The following ZC3H8 variants were observed in gnomAD, a reference collection of about 807,000 sequenced individuals.
ZC3H8 encodes zinc finger CCCH-type containing 8, also known as zinc finger CCCH domain-containing protein 8.
A neutral mutation model predicts 42.5 loss-of-function variants in ZC3H8; 27 were observed. The observed-to-expected ratio is 0.64, with a 90% CI of 0.47 to 0.88. The LOEUF (loss-of-function observed/expected upper bound fraction) is 0.88. Among genes scored for constraint, ZC3H8 ranks in the 40% least tolerant of loss-of-function variants. ZC3H8 has a pLI of 0.00. For synonymous variants in ZC3H8, 101 were observed against 110.1 expected, an observed-to-expected ratio of 0.92 and a Z score of 0.52; for missense variants, 277 against 336.1, an observed-to-expected ratio of 0.82 and a Z score of 1.37.
intron 1 of ZC3H8, among the ~76,000 whole-genome samples, chr2:112,251,828 GGTCTACAA>G (rs142572252): frequency 0.026 from 3,934 of 152,248 alleles, 185 homozygotes; most frequent in African/African-American, 0.09. Context: ...TCACTGTGAA[GGTCTACAA>G]TACTCAGCAC....
intron 2 of ZC3H8, among the ~76,000 whole-genome samples, chr2:112,239,538 G>A (rs191886043): frequency 1.4e-3 from 208 of 146,830 alleles, no homozygotes; most frequent in African/African-American, 5.0e-3. Flanking sequence ...CAGAAGAATC[G>A]CTATTATAAA....
At chr2:112,238,708 GA>G (rs1573913948) in intron 2 of ZC3H8, 180 bp from the exon 3 acceptor site, 1 of 447,042 alleles carries the variant, frequency 2.2e-6, no homozygotes, top group East Asian at 3.6e-5. Flanking sequence ...TTAAAAAAAA[GA>G]AAAAATTTCC....
intron 4 of ZC3H8, among the ~76,000 whole-genome samples, chr2:112,235,936 TAAAAAAAA>T (rs11370016): frequency 8.2e-6 from 1 of 122,602 alleles, no homozygotes; most frequent in Non-Finnish European, 1.7e-5. Flanking sequence ...AGTATAACAC[TAAAAAAAA>T]AAAAAAAAAA....
intron 8 of ZC3H8, among the ~76,000 whole-genome samples, chr2:112,230,421 T>G (rs1032428690): frequency 1.5e-4 from 23 of 152,274 alleles, no homozygotes; most frequent in African/African-American, 5.5e-4. Flanking sequence ...GTTAGTATTT[T>G]TAAAAATTGA....
chr2:112,242,152 G>A (rs1021507124), intron 2 of ZC3H8, among the ~76,000 whole-genome samples: 2 of 152,182 alleles, frequency 1.3e-5, no homozygotes, highest in African/African-American at 4.8e-5. Context: ...AAAAGCATGT[G>A]ACAAAAATCT....
intron 2 of ZC3H8, among the ~76,000 whole-genome samples, chr2:112,244,093 A>G (rs1685678421): frequency 6.6e-6 from 1 of 151,120 alleles, no homozygotes; most frequent in Admixed American, 6.6e-5. Context: ...AATAGCACTA[A>G]GCAGAATGAA....
chr2:112,238,272 T>G (rs1169078489), intron 3 of ZC3H8, 43 bp downstream of exon 3: 1 of 1,583,854 alleles, frequency 6.3e-7, no homozygotes, highest in Admixed American at 1.8e-5. Context: ...CTGTGACTGC[T>G]TCTCTAGATA....
intron 8 of ZC3H8, among the ~76,000 whole-genome samples, chr2:112,229,965 A>G (rs1685020764): frequency 1.3e-5 from 2 of 151,912 alleles, no homozygotes; most frequent in South Asian, 4.1e-4. Flanking sequence ...CAAAAAACGA[A>G]AAGACCGTCC....
At chr2:112,250,992 T>C (rs1306995302) in intron 1 of ZC3H8, among the ~76,000 whole-genome samples, 1 of 152,028 alleles carries the variant, frequency 6.6e-6, no homozygotes, top group African/African-American at 2.4e-5. Context: ...AAACTAAATA[T>C]GAACCCAAGA....
chr2:112,247,390 C>T (rs889305964), intron 2 of ZC3H8, among the ~76,000 whole-genome samples: 1 of 152,092 alleles, frequency 6.6e-6, no homozygotes, highest in East Asian at 1.9e-4. Context: ...GCCTGGCCAA[C>T]ATGGCAAAAA....
intron 1 of ZC3H8, among the ~76,000 whole-genome samples, chr2:112,250,590 G>C (rs924297460): frequency 1.3e-5 from 2 of 152,152 alleles, no homozygotes; most frequent in Non-Finnish European, 2.9e-5. Flanking sequence ...ACGAGGCTCC[G>C]GGCCTTAGGC....
At chr2:112,233,770 G>A (rs1407128387) in intron 5 of ZC3H8, among the ~76,000 whole-genome samples, 6 of 152,112 alleles carry the variant, frequency 3.9e-5, no homozygotes, top group Non-Finnish European at 5.9e-5. Context: ...TTGGGAGGCT[G>A]AGGCAGGAGA....
intron 8 of ZC3H8, among the ~76,000 whole-genome samples, chr2:112,223,118 G>C (rs1023849254): frequency 2.1e-4 from 32 of 152,020 alleles, no homozygotes; most frequent in Non-Finnish European, 1.2e-4. Flanking sequence ...GTGGGGTGGG[G>C]GAGTGGGGAG....
chr2:112,250,704 G>A (rs1255847810), intron 1 of ZC3H8, among the ~76,000 whole-genome samples: 2 of 152,172 alleles, frequency 1.3e-5, no homozygotes, highest in Non-Finnish European at 2.9e-5. Flanking sequence ...GGTATGGTAA[G>A]TATAGGGGCA....
intron 1 of ZC3H8, 137 bp downstream of exon 1, chr2:112,254,771 G>A (rs1172460032): frequency 7.9e-6 from 8 of 1,013,592 alleles, no homozygotes; most frequent in African/African-American, 1.6e-5. Context: ...GGTGGCGCCC[G>A]GCCGGCCCAC....
chr2:112,235,821 A>G (rs1685293229), intron 4 of ZC3H8, among the ~76,000 whole-genome samples: 1 of 151,864 alleles, frequency 6.6e-6, no homozygotes, highest in Non-Finnish European at 1.5e-5. Flanking sequence ...GGGAGCCAGG[A>G]TGAGGGACTT....
intron 8 of ZC3H8, among the ~76,000 whole-genome samples, chr2:112,219,380 T>G (rs1684485578): frequency 6.6e-6 from 1 of 152,200 alleles, no homozygotes; most frequent in Admixed American, 6.5e-5. Context: ...GATCTCCTCA[T>G]GCAAAACAGT....
chr2:112,224,973 C>A (rs866156298), intron 8 of ZC3H8, among the ~76,000 whole-genome samples: 1 of 152,086 alleles, frequency 6.6e-6, no homozygotes, highest in African/African-American at 2.4e-5. Flanking sequence ...CAGTGTCTCT[C>A]GGTTTTGTAA....
intron 3 of ZC3H8, among the ~76,000 whole-genome samples, chr2:112,237,260 G>A (rs1480982671): frequency 6.6e-6 from 1 of 152,058 alleles, no homozygotes; most frequent in Non-Finnish European, 1.5e-5. Context: ...CAAGAAAAAA[G>A]CAAGATAATA....
Sources: allele counts gnomAD v4.1 joint callset (sites outside exome capture counted in the v4.1 genomes callset), GRCh38; gene constraint gnomAD v4.1.1; transcripts MANE v1.5; gene names NCBI Gene and HGNC (gene_info 2026-07-23, HGNC 2026-07-21).